Variants in TEX11 observed in about 807,000 individuals in gnomAD.
TEX11 encodes the protein testis-expressed protein 11.
In TEX11, 7 loss-of-function variants were observed where a neutral mutation model predicts 84.4. That is an observed-to-expected ratio of 0.08 (90% CI 0.05 to 0.16). TEX11 has a LOEUF of 0.16. TEX11 is among the 10% of genes least tolerant of loss of function. The pLI, the probability that TEX11 is intolerant of heterozygous loss-of-function variation, is 1.00. For synonymous variants in TEX11, 264 were observed against 222.8 expected (o/e 1.18, Z -1.64); for missense variants, 551 against 660.5 (o/e 0.83, Z 1.82).
intron 11 of TEX11, 30 bp from the exon 12 acceptor site, chrX:70,725,373 T>G: frequency 9.5e-7 from 1 of 1,050,456 alleles, no homozygotes; most frequent in Non-Finnish European, 1.3e-6. Flanking sequence ...CACAATGATA[T>G]TAAAATTGTG....
the TEX11 span, among the ~76,000 whole-genome samples, chrX:70,520,971 C>T: frequency 8.9e-6 from 1 of 112,127 alleles, no homozygotes; most frequent in Non-Finnish European, 1.9e-5. Flanking sequence ...TCCTGGTGTG[C>T]CGTTTGCTAA....
At chrX:70,865,696 G>A (rs936626644) in intron 4 of TEX11, among the ~76,000 whole-genome samples, 5 of 112,000 alleles carry the variant, frequency 4.5e-5, no homozygotes, top group African/African-American at 1.6e-4. Flanking sequence ...CAGTCTCTCA[G>A]AACACAGTGC....
intron 9 of TEX11, among the ~76,000 whole-genome samples, chrX:70,746,085 G>A (rs2090766036): frequency 8.9e-6 from 1 of 111,784 alleles, no homozygotes; most frequent in African/African-American, 3.2e-5. Flanking sequence ...CTAAATCTCA[G>A]TATAACCAGT....
At chrX:70,555,276 G>T (rs1026881880) in intron 25 of TEX11, among the ~76,000 whole-genome samples, 1 of 111,994 alleles carries the variant, frequency 8.9e-6, no homozygotes, top group Non-Finnish European at 1.9e-5. Context: ...TTCATTAGTC[G>T]ACAGAATTTC....
At chrX:70,752,772 TG>T (rs914446518) in intron 9 of TEX11, among the ~76,000 whole-genome samples, 2 of 110,129 alleles carry the variant, frequency 1.8e-5, no homozygotes, top group Non-Finnish European at 3.8e-5. Flanking sequence ...TCACAGTACC[TG>T]GTTTTAACTT....
At chrX:70,595,514 G>T (rs1328774953) in intron 24 of TEX11, among the ~76,000 whole-genome samples, 1 of 111,167 alleles carries the variant, frequency 9.0e-6, no homozygotes, top group Non-Finnish European at 1.9e-5. Context: ...AGAGAACAGA[G>T]TTAATAGGAA....
chrX:70,836,961 G>A (rs753046327), intron 7 of TEX11, among the ~76,000 whole-genome samples: 2 of 111,411 alleles, frequency 1.8e-5, no homozygotes, highest in Admixed American at 1.9e-4. Flanking sequence ...AGGTTGCAGT[G>A]AGCTGAGATC....
chrX:70,694,406 C>T (rs974410662), intron 13 of TEX11, among the ~76,000 whole-genome samples: 11 of 111,128 alleles, frequency 9.9e-5, no homozygotes, highest in Non-Finnish European at 1.7e-4. Flanking sequence ...CAAAACAGGG[C>T]AAAAGATTTT....
intron 5 of TEX11, among the ~76,000 whole-genome samples, chrX:70,857,731 C>A (rs574878031): frequency 3.5e-4 from 39 of 111,913 alleles, no homozygotes; most frequent in Middle Eastern, 4.6e-3. Flanking sequence ...GATAGCGAAT[C>A]TTCTTTTAGT....
intron 17 of TEX11, among the ~76,000 whole-genome samples, chrX:70,629,985 A>G (rs2089491231): frequency 8.9e-6 from 1 of 112,180 alleles, no homozygotes; most frequent in Non-Finnish European, 1.9e-5. Flanking sequence ...GTAAACAAAT[A>G]CACATAAGGA....
intron 5 of TEX11, among the ~76,000 whole-genome samples, chrX:70,859,691 A>G (rs1465231608): frequency 1.8e-5 from 2 of 109,916 alleles, no homozygotes; most frequent in African/African-American, 3.3e-5. Context: ...ATACATTTGT[A>G]TTTTGGGGGG....
At chrX:70,532,184 T>G (rs767506224) in intron 28 of TEX11, among the ~76,000 whole-genome samples, 3 of 112,194 alleles carry the variant, frequency 2.7e-5, no homozygotes, top group East Asian at 5.6e-4. Flanking sequence ...TAGGGAAGTT[T>G]TACAGTAAAG....
At chrX:70,569,523 C>G (rs2036092709) in intron 25 of TEX11, among the ~76,000 whole-genome samples, 1 of 111,165 alleles carries the variant, frequency 9.0e-6, no homozygotes, top group Non-Finnish European at 1.9e-5. Context: ...TGTTTTTTCC[C>G]CATCTTTGTG....
intron 25 of TEX11, among the ~76,000 whole-genome samples, chrX:70,580,870 A>G (rs147066315): frequency 1.2e-3 from 136 of 112,575 alleles, no homozygotes; most frequent in African/African-American, 4.2e-3. Context: ...ATTTAAGATA[A>G]TCTAATTAAC....
intron 10 of TEX11, among the ~76,000 whole-genome samples, chrX:70,743,543 T>C (rs765992937): frequency 1.8e-5 from 2 of 111,483 alleles, no homozygotes; most frequent in East Asian, 5.6e-4. Flanking sequence ...GTCTGGGCAG[T>C]TGGGGAAAAA....
At chrX:70,651,615 C>T in intron 16 of TEX11, 63 bp from the exon 17 acceptor site, 4 of 870,445 alleles carry the variant, frequency 4.6e-6, no homozygotes, top group Non-Finnish European at 6.5e-6. Flanking sequence ...CCATATTTTA[C>T]TAATATCATT....
rs930022790 is a variant in TEX11 at position 70,559,439 on chromosome X, G to C, written c.2141-4639C>G. On this transcript the variant is annotated intron_variant, in intron 25 of 29. Coordinates refer to ENST00000374333, the MANE Select transcript of TEX11 (RefSeq NM_031276.3). ...AAATGCAAGGGAAACTAAAGGGTAC[G>C]TTGCTTTCCTTTTGAGGTAATAAAA... is the stretch of plus-strand genomic sequence containing the variant. Among the ~76,000 whole-genome samples the C allele has an allele frequency of 5.3e-5, 6 of 112,188 alleles. No homozygotes were observed. In the South Asian group the frequency reaches 2.2e-3, roughly 42 times the overall value.
intron 11 of TEX11, among the ~76,000 whole-genome samples, chrX:70,731,927 C>T (rs758844727): frequency 1.8e-5 from 2 of 111,865 alleles, no homozygotes; most frequent in African/African-American, 6.5e-5. Context: ...AAATTGAATT[C>T]AGCAGCACAT....
rs1422286723 is a variant in TEX11, at chrX:70,816,655, T to C, written c.607-9865A>G. ...TGAACCTGGGAGGCGGCAGTTGCAG[T>C]GAGCCAAGATCGTGCCACTGCACTC... On this transcript the variant is annotated intron_variant, in intron 8 of 29. Transcript: ENST00000374333. 3.7e-5 allele frequency among the ~76,000 whole-genome samples: 4 copies of C among 108,383 alleles called. No individual in the cohort carries two copies. The Admixed American group carries it at 4.0e-4, about 11-fold the overall frequency. The allele number at this position is 108,383 out of a possible 115,157, so 94.1% of individuals were successfully genotyped here.
Sources: gnomAD v4.1 joint callset for allele counts (sites outside exome capture counted in the v4.1 genomes callset) on GRCh38, gnomAD v4.1.1 for gene constraint, MANE v1.5 for transcripts, NCBI Gene and HGNC (gene_info 2026-07-23, HGNC 2026-07-21) for gene names.